NBAS: variants seen among roughly 807,000 people sequenced by gnomAD.
NBAS encodes the protein NBAS subunit of NRZ tethering complex, also known as NAG/BC035112 fusion.
NBAS carries 219 observed loss-of-function variants against 302.5 expected under a neutral mutation model. The observed-to-expected ratio is 0.72, with a 90% CI of 0.65 to 0.81. The LOEUF (loss-of-function observed/expected upper bound fraction) is 0.81, where lower values mean the gene tolerates loss of function less well. NBAS is among the 30% of genes least tolerant of loss of function. NBAS has a pLI of 0.00. For missense variants in NBAS, 2,932 were observed against 2,841.6 expected, an observed-to-expected ratio of 1.03 and a Z score of -0.72; for synonymous variants, 1,118 against 1,021.6, an observed-to-expected ratio of 1.09 and a Z score of -1.80.
chr2:14,961,112 G>A, the NBAS span, among the ~76,000 whole-genome samples: 1 of 152,078 alleles, frequency 6.6e-6, no homozygotes, highest in Non-Finnish European at 1.5e-5. Context: ...GACTCTCTGT[G>A]GTATGACTGT....
chr2:15,512,275 C>T (rs1036700235), intron 9 of NBAS, among the ~76,000 whole-genome samples: 12 of 152,190 alleles, frequency 7.9e-5, no homozygotes, highest in Non-Finnish European at 1.0e-4. Flanking sequence ...AATATCAGTA[C>T]CTCATGACAT....
chr2:14,847,725 C>G, the NBAS span, among the ~76,000 whole-genome samples: 1 of 152,124 alleles, frequency 6.6e-6, no homozygotes, highest in African/African-American at 2.4e-5. Flanking sequence ...GACAGATCCT[C>G]CAGACAGAAA....
chr2:15,203,106 G>A (rs544024439), intron 48 of NBAS, among the ~76,000 whole-genome samples: 1 of 152,102 alleles, frequency 6.6e-6, no homozygotes, highest in South Asian at 2.1e-4. Context: ...GAATAATATA[G>A]TATAGCATAA....
At chr2:15,039,344 G>T in the NBAS span, among the ~76,000 whole-genome samples, 1 of 152,182 alleles carries the variant, frequency 6.6e-6, no homozygotes, top group East Asian at 1.9e-4. Context: ...CCTCTAAGGC[G>T]CCTTCAGCTC....
chr2:15,148,971 G>A, the NBAS span, among the ~76,000 whole-genome samples: 2 of 152,062 alleles, frequency 1.3e-5, no homozygotes, highest in Admixed American at 1.3e-4. Context: ...TTAATAGAGT[G>A]TACTTTAAAA....
At chr2:15,034,316 G>GAAGC in the NBAS span, among the ~76,000 whole-genome samples, 3 of 73,594 alleles carry the variant, frequency 4.1e-5, no homozygotes, top group East Asian at 2.7e-3. Context: ...TGGAGAGAGG[G>GAAGC]AAGGAAGGCA....
At chr2:15,374,162 A>G (rs1674620340) in intron 31 of NBAS, among the ~76,000 whole-genome samples, 1 of 152,218 alleles carries the variant, frequency 6.6e-6, no homozygotes, top group Non-Finnish European at 1.5e-5. Context: ...CCCTCTTTTA[A>G]AAAAATAGAT....
chr2:14,885,204 T>C, the NBAS span, among the ~76,000 whole-genome samples: 1 of 151,970 alleles, frequency 6.6e-6, no homozygotes, highest in Non-Finnish European at 1.5e-5. Flanking sequence ...CTCCAGAAAA[T>C]TAGTTGTTTA....
At chr2:15,561,050 C>A (rs1664893290) in intron 1 of NBAS, 138 bp downstream of exon 1, 5 of 465,726 alleles carry the variant, frequency 1.1e-5, no homozygotes, top group Admixed American at 4.4e-5. Context: ...GGTGCCGTTG[C>A]CAAGGCGACC....
At chr2:15,093,811 T>C in the NBAS span, among the ~76,000 whole-genome samples, 1 of 152,196 alleles carries the variant, frequency 6.6e-6, no homozygotes, top group Admixed American at 6.5e-5. Context: ...CAAGCCTGGC[T>C]ATTTTTTTAA....
the NBAS span, among the ~76,000 whole-genome samples, chr2:14,947,092 C>G: frequency 6.6e-6 from 1 of 152,044 alleles, no homozygotes; most frequent in South Asian, 2.1e-4. Context: ...AACAGCCTAA[C>G]AGTACACCTC....
At chr2:15,314,386 A>T (rs1671415829) in intron 38 of NBAS, among the ~76,000 whole-genome samples, 1 of 152,148 alleles carries the variant, frequency 6.6e-6, no homozygotes, top group Non-Finnish European at 1.5e-5. Flanking sequence ...CAACAACAAC[A>T]AAAAACAAGT....
intron 50 of NBAS, among the ~76,000 whole-genome samples, chr2:15,183,196 C>T (rs1399788771): frequency 7.2e-5 from 11 of 152,310 alleles, no homozygotes; most frequent in Middle Eastern, 6.8e-3. Flanking sequence ...GTTCCTTCCT[C>T]TGTAACACTT....
At chr2:15,346,540 T>C (rs1407443021) in intron 35 of NBAS, among the ~76,000 whole-genome samples, 1 of 152,184 alleles carries the variant, frequency 6.6e-6, no homozygotes, top group Non-Finnish European at 1.5e-5. Flanking sequence ...AGGAATGCTT[T>C]TACACTGTTG....
chr2:14,894,636 A>T, the NBAS span, among the ~76,000 whole-genome samples: 3 of 152,136 alleles, frequency 2.0e-5, no homozygotes, highest in Non-Finnish European at 2.9e-5. Context: ...TTAACCAAAA[A>T]CTGGAATACT....
At chr2:14,966,155 G>A in the NBAS span, among the ~76,000 whole-genome samples, 2 of 152,170 alleles carry the variant, frequency 1.3e-5, no homozygotes. Flanking sequence ...CCTTCAGGGA[G>A]AGCATGAACC....
the NBAS span, among the ~76,000 whole-genome samples, chr2:15,038,112 C>CTTTTT: frequency 1.7e-5 from 2 of 118,544 alleles, no homozygotes; most frequent in Non-Finnish European, 1.7e-5. Context: ...TGACTTTATT[C>CTTTTT]TTTTTTTTTT....
intron 10 of NBAS, among the ~76,000 whole-genome samples, chr2:15,506,390 T>C (rs1241848501): frequency 6.6e-6 from 1 of 152,128 alleles, no homozygotes; most frequent in Admixed American, 6.6e-5. Context: ...AATAAAGACC[T>C]GTAAGAAAAA....
At chr2:15,433,047 C>G (rs1677838930) in intron 21 of NBAS, among the ~76,000 whole-genome samples, 1 of 152,160 alleles carries the variant, frequency 6.6e-6, no homozygotes, top group East Asian at 1.9e-4. Flanking sequence ...TTCACCTCCT[C>G]CCACCACGAG....
Sources: gnomAD v4.1 joint callset for allele counts (sites outside exome capture counted in the v4.1 genomes callset) on GRCh38, gnomAD v4.1.1 for gene constraint, MANE v1.5 for transcripts, NCBI Gene and HGNC (gene_info 2026-07-23, HGNC 2026-07-21) for gene names.